PTPRD: variants seen among roughly 807,000 people sequenced by gnomAD.
The protein encoded by PTPRD is protein tyrosine phosphatase receptor type D, also known as receptor-type tyrosine-protein phosphatase delta.
A neutral mutation model predicts 214.5 loss-of-function variants in PTPRD; 34 were observed. The observed-to-expected ratio is 0.16, with a 90% CI of 0.12 to 0.21. The LOEUF is 0.21. Ranked by LOEUF, PTPRD falls within the 10% of genes least tolerant of loss-of-function variation. PTPRD has a pLI of 1.00. For missense variants in PTPRD, 2,545 were observed against 2,398.7 expected, an observed-to-expected ratio of 1.06 and a Z score of -1.27; for synonymous variants, 1,128 against 845.7, an observed-to-expected ratio of 1.33 and a Z score of -5.79.
intron 9 of PTPRD, among the ~76,000 whole-genome samples, chr9:9,240,474 C>A (rs2099969798): frequency 1.3e-5 from 2 of 152,130 alleles, no homozygotes; most frequent in Non-Finnish European, 2.9e-5. Context: ...AGTTCAAGAC[C>A]AGCCTGGCCA....
chr9:9,810,324 G>A (rs1291021130), intron 5 of PTPRD, among the ~76,000 whole-genome samples: 2 of 151,938 alleles, frequency 1.3e-5, no homozygotes, highest in Non-Finnish European at 2.9e-5. Flanking sequence ...TATTGAAAAA[G>A]GATGCCATCT....
At chr9:9,645,504 T>C (rs1290435626) in intron 7 of PTPRD, among the ~76,000 whole-genome samples, 1 of 150,088 alleles carries the variant, frequency 6.7e-6, no homozygotes, top group Non-Finnish European at 1.5e-5. Flanking sequence ...CTATTTGAAA[T>C]ATCAAGTGAA....
intron 11 of PTPRD, among the ~76,000 whole-genome samples, chr9:8,839,582 C>G: frequency 6.6e-6 from 1 of 152,152 alleles, no homozygotes; most frequent in Non-Finnish European, 1.5e-5. Context: ...ACCTTGGCCT[C>G]CCAAAGTGCT....
intron 14 of PTPRD, among the ~76,000 whole-genome samples, chr9:8,602,680 C>T (rs1281413183): frequency 2.0e-5 from 3 of 152,198 alleles, no homozygotes; most frequent in Non-Finnish European, 4.4e-5. Context: ...AGACTGTCAA[C>T]TTGAATGAAC....
intron 7 of PTPRD, among the ~76,000 whole-genome samples, chr9:9,673,061 T>C (rs952758756): frequency 7.9e-5 from 12 of 151,994 alleles, no homozygotes; most frequent in African/African-American, 1.9e-4. Flanking sequence ...AGTCTGTTAA[T>C]AGTGATTCAA....
intron 2 of PTPRD, among the ~76,000 whole-genome samples, chr9:10,523,000 T>C (rs1186467689): frequency 6.6e-6 from 1 of 152,062 alleles, no homozygotes; most frequent in Admixed American, 6.6e-5. Context: ...AGTACTAGTT[T>C]ACAATCAATT....
At position 9,257,305 on chromosome 9, in the gene PTPRD, A is replaced by G. The variant is rs79672360; in HGVS notation, c.-202-73942T>C. Reference sequence around the variant, plus strand: ...GATTTTATAGATAGTATGTATTTGTATTTACATTTTCCATATTATGATGTT... The same window carrying G: ...GATTTTATAGATAGTATGTATTTGTGTTTACATTTTCCATATTATGATGTT... On this transcript the variant is annotated intron_variant, in intron 9 of 45. Transcript: ENST00000381196. 1.0e-2 allele frequency among the ~76,000 whole-genome samples: 1,512 copies of G among 151,956 alleles called. 25 individuals carry two copies. Among genetic ancestry groups the G allele is most frequent in the African/African-American group, 0.034 (1,401 of 41,494 alleles).
chr9:10,270,963 G>C (rs1385998448), intron 3 of PTPRD, among the ~76,000 whole-genome samples: 1 of 151,938 alleles, frequency 6.6e-6, no homozygotes, highest in Non-Finnish European at 1.5e-5. Context: ...CCCAGGACTA[G>C]AAGAGTGCCC....
At chr9:9,340,322 G>A (rs1285242505) in intron 9 of PTPRD, among the ~76,000 whole-genome samples, 1 of 152,180 alleles carries the variant, frequency 6.6e-6, no homozygotes, top group Non-Finnish European at 1.5e-5. Flanking sequence ...ATAATATGAA[G>A]TAACCAATTT....
intron 27 of PTPRD, among the ~76,000 whole-genome samples, chr9:8,486,980 G>A (rs1174171860): frequency 1.3e-5 from 2 of 149,274 alleles, no homozygotes; most frequent in African/African-American, 2.4e-5. Context: ...GTGCTGCTAT[G>A]TTGCTTAAAA....
chr9:8,406,264 G>T (rs576281242), intron 35 of PTPRD, among the ~76,000 whole-genome samples: 1 of 152,238 alleles, frequency 6.6e-6, no homozygotes, highest in African/African-American at 2.4e-5. Context: ...AGATGTCCTG[G>T]TGGAAGCCTT....
chr9:9,958,341 C>T (rs1461952606), intron 4 of PTPRD, among the ~76,000 whole-genome samples: 1 of 152,096 alleles, frequency 6.6e-6, no homozygotes, highest in Non-Finnish European at 1.5e-5. Context: ...GCCAGCCTGA[C>T]CAACATGGTG....
chr9:8,470,129 T>G (rs1238743851), intron 31 of PTPRD, among the ~76,000 whole-genome samples: 1 of 152,128 alleles, frequency 6.6e-6, no homozygotes, highest in Admixed American at 6.6e-5. Flanking sequence ...GTTACGGTTA[T>G]TTGCCTTATG....
At chr9:9,265,413 C>T (rs1938892677) in intron 9 of PTPRD, among the ~76,000 whole-genome samples, 1 of 151,518 alleles carries the variant, frequency 6.6e-6, no homozygotes, top group Non-Finnish European at 1.5e-5. Flanking sequence ...ACCACCACAC[C>T]TAGCGTTTTT....
intron 12 of PTPRD, among the ~76,000 whole-genome samples, chr9:8,729,332 G>A (rs534325518): frequency 2.4e-4 from 36 of 152,136 alleles, no homozygotes; most frequent in African/African-American, 7.9e-4. Flanking sequence ...GGAAGCAAGG[G>A]TTTATAAGAA....
intron 11 of PTPRD, among the ~76,000 whole-genome samples, chr9:8,788,253 A>AC (rs2096072520): frequency 1.2e-5 from 1 of 85,246 alleles, no homozygotes; most frequent in African/African-American, 5.3e-5. Context: ...ATATAAGATG[A>AC]TTTTTTTTTT....
chr9:10,295,914 C>T (rs1255206105), intron 3 of PTPRD, among the ~76,000 whole-genome samples: 1 of 152,016 alleles, frequency 6.6e-6, no homozygotes, highest in Admixed American at 6.6e-5. Flanking sequence ...CAATTAACGG[C>T]TTCCTCAGAT....
intron 5 of PTPRD, among the ~76,000 whole-genome samples, chr9:9,898,689 A>T (rs932830545): frequency 1.3e-5 from 2 of 152,104 alleles, no homozygotes; most frequent in African/African-American, 4.8e-5. Context: ...ATGGATTGAG[A>T]TATTTGGCAT....
chr9:9,070,564 A>C (rs944561575), intron 10 of PTPRD, among the ~76,000 whole-genome samples: 77 of 152,226 alleles, frequency 5.1e-4, no homozygotes, highest in Admixed American at 5.0e-3. Flanking sequence ...AAAACCCATA[A>C]GGCTCTATAC....
Sources: allele counts gnomAD v4.1 joint callset (sites outside exome capture counted in the v4.1 genomes callset), GRCh38; gene constraint gnomAD v4.1.1; transcripts MANE v1.5; gene names NCBI Gene and HGNC (gene_info 2026-07-23, HGNC 2026-07-21).